Variants in NALF1 observed in about 807,000 individuals in gnomAD.
NALF1 encodes NALCN channel auxiliary factor 1.
In NALF1, 3 loss-of-function variants were observed where a neutral mutation model predicts 48.4. That is an observed-to-expected ratio of 0.06 (90% CI 0.03 to 0.16). The LOEUF (loss-of-function observed/expected upper bound fraction) is 0.16. Among genes scored for constraint, NALF1 ranks in the 10% least tolerant of loss-of-function variants. NALF1 has a pLI of 1.00. For synonymous variants in NALF1, 262 were observed against 245.7 expected (o/e 1.07, Z -0.62); for missense variants, 526 against 571.5 (o/e 0.92, Z 0.81).
At chr13:107,781,925 G>T (rs1041662402) in intron 1 of NALF1, among the ~76,000 whole-genome samples, 1 of 152,086 alleles carries the variant, frequency 6.6e-6, no homozygotes, top group African/African-American at 2.4e-5. Flanking sequence ...TTTTGTTATT[G>T]TTTTGTTTTA....
chr13:107,350,077 C>A (rs943211661), intron 1 of NALF1, among the ~76,000 whole-genome samples: 1 of 152,152 alleles, frequency 6.6e-6, no homozygotes, highest in Non-Finnish European at 1.5e-5. Flanking sequence ...AGCCACTGAT[C>A]TGACGGGAGG....
At chr13:107,565,137 A>T (rs1041781763) in intron 1 of NALF1, among the ~76,000 whole-genome samples, 2 of 151,380 alleles carry the variant, frequency 1.3e-5, no homozygotes, top group Non-Finnish European at 2.9e-5. Context: ...AACCATTATA[A>T]AATAAGAGTG....
chr13:107,642,076 G>A (rs576924847), intron 1 of NALF1, among the ~76,000 whole-genome samples: 8 of 152,256 alleles, frequency 5.3e-5, no homozygotes, highest in Non-Finnish European at 1.2e-4. Flanking sequence ...CTGGGAGCAC[G>A]TTGGAAAGGC....
intron 1 of NALF1, among the ~76,000 whole-genome samples, chr13:107,634,291 G>C (rs192343032): frequency 1.3e-5 from 2 of 151,984 alleles, no homozygotes; most frequent in Non-Finnish European, 2.9e-5. Flanking sequence ...AGGTTCAGGG[G>C]TGATGAGAAA....
rs74994691 is a variant in NALF1, at chr13:107,530,137, A to C, written c.916-319382T>G. 9.0e-3 allele frequency among the ~76,000 whole-genome samples: 1,367 copies of C among 151,722 alleles called. 22 individuals are homozygous for C. The highest frequency in any genetic ancestry group is 0.031 in the African/African-American group (1,291 of 41,342). On this transcript the variant is annotated intron_variant, in intron 1 of 2. Coordinates refer to ENST00000375915, the MANE Select transcript of NALF1 (RefSeq NM_001080396.3). ...GGCACCTTTACCTTGTTCTCTCTCC[A>C]CCCTGGGACACTCTCTCCTGCCTAT... is the stretch of plus-strand genomic sequence containing the variant.
chr13:107,858,624 T>A (rs1218331685), intron 1 of NALF1, among the ~76,000 whole-genome samples: 1 of 152,138 alleles, frequency 6.6e-6, no homozygotes, highest in Non-Finnish European at 1.5e-5. Context: ...GAGACAGAGG[T>A]AGCAGTGAAC....
intron 1 of NALF1, among the ~76,000 whole-genome samples, chr13:107,438,742 G>A (rs1594063209): frequency 6.8e-6 from 1 of 146,334 alleles, no homozygotes; most frequent in South Asian, 2.2e-4. Flanking sequence ...GGAGAATGGT[G>A]TGAACCCAGG....
intron 1 of NALF1, among the ~76,000 whole-genome samples, chr13:107,290,599 T>G (rs28459564): frequency 0.34 from 51,672 of 152,018 alleles, 10,759 homozygotes; most frequent in South Asian, 0.56. Context: ...TCCCCAGCCA[T>G]GTAGAACTCT....
chr13:107,278,432 T>A (rs779053392), intron 1 of NALF1, among the ~76,000 whole-genome samples: 1 of 152,236 alleles, frequency 6.6e-6, no homozygotes. Flanking sequence ...TCCCTGGAAT[T>A]AAGGATTATA....
intron 1 of NALF1, among the ~76,000 whole-genome samples, chr13:107,698,047 G>A (rs1053755411): frequency 2.0e-5 from 3 of 151,976 alleles, no homozygotes; most frequent in Non-Finnish European, 4.4e-5. Context: ...TCTATATTTT[G>A]TTCTTGCTTT....
rs1034544065 is a variant in NALF1, at chr13:107,739,394, T to C, written c.915+126288A>G. On this transcript the variant is annotated intron_variant, in intron 1 of 2. Transcript: ENST00000375915. ...TATATAATTAAGATAAAATATTACA[T>C]ATTACATATGTATAAATTCATATAT... is the stretch of plus-strand genomic sequence containing the variant. Among the ~76,000 whole-genome samples the C allele has an allele frequency of 3.4e-5, 5 of 148,182 alleles. No homozygotes were observed. In the South Asian group the frequency reaches 1.0e-3, roughly 31 times the overall value.
chr13:107,669,683 A>G (rs921055211), intron 1 of NALF1, among the ~76,000 whole-genome samples: 1 of 152,094 alleles, frequency 6.6e-6, no homozygotes, highest in East Asian at 1.9e-4. Flanking sequence ...CCTTATTTCA[A>G]TAGTGTTTTC....
At chr13:107,782,996 GCC>G (rs1566480011) in intron 1 of NALF1, among the ~76,000 whole-genome samples, 1 of 145,154 alleles carries the variant, frequency 6.9e-6, no homozygotes, top group African/African-American at 2.7e-5. Flanking sequence ...CCGGCCAGCC[GCC>G]CCGTCCGGGA....
intron 1 of NALF1, among the ~76,000 whole-genome samples, chr13:107,824,368 A>AG (rs1453562535): frequency 1.3e-5 from 2 of 152,324 alleles, no homozygotes; most frequent in East Asian, 3.9e-4. Flanking sequence ...GAAATTAATG[A>AG]GAAAAAAAAC....
chr13:107,740,487 A>T (rs1876600672), intron 1 of NALF1, among the ~76,000 whole-genome samples: 1 of 152,244 alleles, frequency 6.6e-6, no homozygotes, highest in African/African-American at 2.4e-5. Flanking sequence ...TCAACTAAAT[A>T]TAATTTACAC....
At chr13:107,678,657 G>A (rs553950090) in intron 1 of NALF1, among the ~76,000 whole-genome samples, 1 of 152,322 alleles carries the variant, frequency 6.6e-6, no homozygotes, top group African/African-American at 2.4e-5. Flanking sequence ...GTTCAGTGTG[G>A]CTGGGGAGAA....
intron 1 of NALF1, among the ~76,000 whole-genome samples, chr13:107,550,212 G>A (rs1437111733): frequency 1.3e-5 from 2 of 151,930 alleles, no homozygotes; most frequent in Non-Finnish European, 2.9e-5. Context: ...TTCCTTCTGT[G>A]TCCTCCTGGT....
intron 1 of NALF1, among the ~76,000 whole-genome samples, chr13:107,721,109 T>TACACACAC (rs66578211): frequency 2.1e-5 from 3 of 143,842 alleles, no homozygotes; most frequent in African/African-American, 5.2e-5. Flanking sequence ...CAGATCTCAA[T>TACACACAC]ACACACACAC....
chr13:107,593,441 TGGTACTA>T (rs2138419051), intron 1 of NALF1, among the ~76,000 whole-genome samples: 1 of 152,090 alleles, frequency 6.6e-6, no homozygotes, highest in Non-Finnish European at 1.5e-5. Flanking sequence ...AAATTTTACA[TGGTACTA>T]GGTCATTATC....
Sources: gnomAD v4.1 joint callset for allele counts (sites outside exome capture counted in the v4.1 genomes callset) on GRCh38, gnomAD v4.1.1 for gene constraint, MANE v1.5 for transcripts, NCBI Gene and HGNC (gene_info 2026-07-23, HGNC 2026-07-21) for gene names.